The following UBXN2A variants were observed in gnomAD, a reference collection of about 807,000 sequenced individuals.
UBXN2A encodes UBX domain protein 2A.
In UBXN2A, 28 loss-of-function variants were observed where a neutral mutation model predicts 28.4. The observed-to-expected ratio is 0.99, with a 90% CI of 0.73 to 1.35. The LOEUF is 1.35. Ranked by LOEUF, UBXN2A falls within the 40% of genes most tolerant of loss-of-function variation. The probability of loss-of-function intolerance (pLI) is 0.00; values close to 1 mark genes in which losing one functional copy is unlikely to be tolerated. For synonymous variants in UBXN2A, 97 were observed against 103.6 expected, an observed-to-expected ratio of 0.94 and a Z score of 0.39; for missense variants, 253 against 297.9, an observed-to-expected ratio of 0.85 and a Z score of 1.11.
intron 6 of UBXN2A, among the ~76,000 whole-genome samples, chr2:23,987,991 C>T (rs932897080): frequency 2.6e-5 from 4 of 151,324 alleles, no homozygotes; most frequent in Admixed American, 1.3e-4. Flanking sequence ...GCCGTCGTGG[C>T]GTATGTCTGT....
At chr2:23,946,256 G>A (rs1403160121) in intron 1 of UBXN2A, among the ~76,000 whole-genome samples, 3 of 151,672 alleles carry the variant, frequency 2.0e-5, no homozygotes, top group African/African-American at 7.3e-5. Flanking sequence ...GGGTTCAAGC[G>A]ATTCTCCCGC....
At chr2:23,934,166 G>A (rs1223049389) in intron 1 of UBXN2A, among the ~76,000 whole-genome samples, 1 of 150,256 alleles carries the variant, frequency 6.7e-6, no homozygotes, top group East Asian at 2.0e-4. Flanking sequence ...CAGTGAGATC[G>A]CACCACTGCA....
At chr2:23,993,415 A>G (rs532781132) in intron 6 of UBXN2A, among the ~76,000 whole-genome samples, 1 of 152,038 alleles carries the variant, frequency 6.6e-6, no homozygotes, top group Non-Finnish European at 1.5e-5. Flanking sequence ...TTTTAAATAT[A>G]TAATATATTT....
rs112883678 is a variant in UBXN2A, at chr2:23,999,740, C to G, written c.653C>G (p.Ala218Gly). Residue 218 changes from alanine (A) to glycine (G), a missense_variant, in exon 7 of 7, where the codon GCA becomes GGA. Physicochemically the swap from Ala to Gly is moderately conservative, Grantham distance 60. Transcript: ENST00000309033. ...CAAAGAAGTCCTCCGTTTTCCCTGGCAACAGCTCTTCCTGTCCTCAGGTTG... is the reference window on the plus strand; with the variant it reads ...CAAAGAAGTCCTCCGTTTTCCCTGGGAACAGCTCTTCCTGTCCTCAGGTTG... ...GSQRSPPFSL[A>G]TALPVLRLLD... 3.1e-6 allele frequency: 5 copies of G among 1,614,156 alleles called. No individual in the cohort carries two copies. The African/African-American group carries it at 4.0e-5, about 13-fold the overall frequency.
chr2:23,981,411 GC>G (rs1558302325), intron 4 of UBXN2A, among the ~76,000 whole-genome samples: 2 of 136,574 alleles, frequency 1.5e-5, no homozygotes, highest in Non-Finnish European at 3.0e-5. Flanking sequence ...CCAAGAGGTC[GC>G]AGCTGCAGTG....
chr2:23,978,480 GAAAATACAAAAAAATTA>G (rs1707764458), intron 4 of UBXN2A, among the ~76,000 whole-genome samples: 4 of 150,640 alleles, frequency 2.7e-5, no homozygotes, highest in African/African-American at 9.8e-5. Context: ...TGTCTCTACT[GAAAATACAAAAAAATTA>G]GCCAGGTGTG....
intron 1 of UBXN2A, among the ~76,000 whole-genome samples, chr2:23,955,931 C>T (rs1032235645): frequency 6.6e-6 from 1 of 152,212 alleles, no homozygotes. Flanking sequence ...GCGACGCAGT[C>T]TCGGCTTACT....
rs561990541 is a variant in UBXN2A at position 23,983,927 on chromosome 2, C to T, written c.426-746C>T. Among the ~76,000 whole-genome samples, 7 of 152,282 alleles carry T rather than the reference C, an allele frequency of 4.6e-5. No homozygotes were observed. The East Asian group carries it at 5.8e-4, about 13-fold the overall frequency. ...CTGACCGCAGGTGATCCACCCACCT[C>T]GGCCTCCCAAAGTGCTGGGATTACA... On this transcript the variant is annotated intron_variant, in intron 5 of 6. Coordinates refer to ENST00000309033, the MANE Select transcript of UBXN2A (RefSeq NM_181713.4).
intron 5 of UBXN2A, 150 bp from the exon 6 acceptor site, chr2:23,984,523 A>G (rs1708044451): frequency 3.5e-6 from 2 of 571,222 alleles, no homozygotes. Context: ...CATAAATAAT[A>G]TATCTTTCTG....
intron 6 of UBXN2A, among the ~76,000 whole-genome samples, chr2:23,986,732 T>G (rs1049622826): frequency 9.9e-5 from 15 of 151,680 alleles, no homozygotes; most frequent in African/African-American, 3.6e-4. Context: ...CTCAGCCTCC[T>G]GAGTAGCTGG....
intron 1 of UBXN2A, among the ~76,000 whole-genome samples, chr2:23,948,200 A>G (rs927292621): frequency 1.3e-5 from 2 of 151,278 alleles, no homozygotes; most frequent in Non-Finnish European, 2.9e-5. Context: ...TTTCATAATC[A>G]TGTCAAAATT....
chr2:23,976,038 G>T (rs971595683), intron 3 of UBXN2A, among the ~76,000 whole-genome samples: 2 of 152,042 alleles, frequency 1.3e-5, no homozygotes, highest in Non-Finnish European at 2.9e-5. Context: ...TCAGATTTTT[G>T]AATTATGTAT....
chr2:23,986,890 G>A (rs1708153805), intron 6 of UBXN2A, among the ~76,000 whole-genome samples: 1 of 152,202 alleles, frequency 6.6e-6, no homozygotes, highest in South Asian at 2.1e-4. Context: ...TTACAAGCAT[G>A]AGCCACCGTG....
intron 6 of UBXN2A, among the ~76,000 whole-genome samples, chr2:23,998,403 T>C (rs1708621498): frequency 6.6e-6 from 1 of 151,894 alleles, no homozygotes; most frequent in South Asian, 2.1e-4. Context: ...ATTTGAAAAA[T>C]ATAAAAGCAG....
At chr2:23,935,655 G>T (rs1015419791), upstream of UBXN2A, among the ~76,000 whole-genome samples, 2 of 152,164 alleles carry the variant, frequency 1.3e-5, no homozygotes, top group Non-Finnish European at 2.9e-5. Flanking sequence ...TACATCGCTG[G>T]TAGGAATGTA....
chr2:23,999,678 C>T lies in UBXN2A; in HGVS notation c.591C>T (p.Ser197=). ...AGTTTTTGCTGTTTTACAGAGTAAGCCATATCAAAGACTTCATTGAAAAAT... is the reference window on the plus strand; with the variant it reads ...AGTTTTTGCTGTTTTACAGAGTAAGTCATATCAAAGACTTCATTGAAAAAT... The part of the protein sequence containing the change: ...VQKFNITHRV[S]HIKDFIEKYQ... The change falls in exon 7 of 7, where the codon AGC becomes AGT. Residue 197 remains serine, a synonymous_variant. Coordinates refer to ENST00000309033, the MANE Select transcript of UBXN2A (RefSeq NM_181713.4). 1 of 1,612,716 alleles carries T rather than the reference C, an allele frequency of 6.2e-7. No homozygotes were observed. Among genetic ancestry groups the T allele is most frequent in the South Asian group, 1.1e-5 (1 of 90,732 alleles).
In UBXN2A at chr2:23,943,917, A is replaced by G. The variant is rs1241122222; in HGVS notation, c.-15+3269A>G. ...AGCGCACTTTAGCCCTCAGCTTTGTATCAGAAATGCTGTTCCTTTGGGAAT... is the reference window on the plus strand; with the variant it reads ...AGCGCACTTTAGCCCTCAGCTTTGTGTCAGAAATGCTGTTCCTTTGGGAAT... On this transcript the variant is annotated intron_variant, in intron 1 of 6. Coordinates refer to ENST00000309033, the MANE Select transcript of UBXN2A (RefSeq NM_181713.4). 4.0e-5 allele frequency: 17 copies of G among 421,928 alleles called. No individual in the cohort carries two copies. In the East Asian group the frequency reaches 9.2e-4, roughly 23 times the overall value. 26.1% of individuals were successfully genotyped at this position (421,928 alleles called of 1,614,324 possible). A position where few individuals can be genotyped will look rare whatever the true frequency, so the allele number is the denominator to read the frequency against.
At chr2:23,942,543 C>T (rs551798447) in intron 1 of UBXN2A, among the ~76,000 whole-genome samples, 1 of 151,502 alleles carries the variant, frequency 6.6e-6, no homozygotes, top group African/African-American at 2.4e-5. Context: ...CCTCAGCCTC[C>T]CGAGTAGCTG....
At chr2:23,964,420 G>A (rs1707078863) in intron 2 of UBXN2A, among the ~76,000 whole-genome samples, 1 of 152,186 alleles carries the variant, frequency 6.6e-6, no homozygotes, top group Admixed American at 6.6e-5. Context: ...ATGTTGGTCA[G>A]GCTGGTCTCA....
Sources: allele counts gnomAD v4.1 joint callset (sites outside exome capture counted in the v4.1 genomes callset), GRCh38; gene constraint gnomAD v4.1.1; transcripts MANE v1.5; gene names NCBI Gene and HGNC (gene_info 2026-07-23, HGNC 2026-07-21).